The following CRB1 variants were observed in gnomAD, a reference collection of about 807,000 sequenced individuals.
The protein encoded by CRB1 is protein crumbs homolog 1.
In CRB1, 83 loss-of-function variants were observed where a neutral mutation model predicts 120.0. The observed-to-expected ratio is 0.69, with a 90% CI of 0.58 to 0.83. The LOEUF is 0.83. Ranked by LOEUF, CRB1 falls within the 40% of genes least tolerant of loss-of-function variation. CRB1 has a pLI of 0.00. For synonymous variants in CRB1, 625 were observed against 612.5 expected, an observed-to-expected ratio of 1.02 and a Z score of -0.30; for missense variants, 1,699 against 1,687.6, an observed-to-expected ratio of 1.01 and a Z score of -0.12.
chr1:197,478,073 AGCC>A lies in CRB1; in HGVS notation c.*195_*197del. ...CACCATTGTTTTATTATATTATATC[AGCC>A]AATTGCAAAAAAAGTCTGTGCCAGT... On this transcript the variant is annotated 3_prime_UTR_variant, in exon 12 of 12. Transcript: ENST00000367400. 15 of 620,020 alleles carry A rather than the reference AGCC, an allele frequency of 2.4e-5. No homozygotes were observed. Among genetic ancestry groups the A allele is most frequent in the Admixed American group, 1.1e-4 (4 of 36,062 alleles). 38.4% of individuals were successfully genotyped at this position (620,020 alleles called of 1,614,324 possible).
intron 4 of CRB1, among the ~76,000 whole-genome samples, chr1:197,353,822 A>T (rs1306316147): frequency 6.6e-6 from 1 of 150,864 alleles, no homozygotes; most frequent in Non-Finnish European, 1.5e-5. Context: ...AATAAAAAAA[A>T]AAAAAAAAAA....
At chr1:197,467,690 T>C (rs1666808904) in intron 11 of CRB1, among the ~76,000 whole-genome samples, 1 of 152,202 alleles carries the variant, frequency 6.6e-6, no homozygotes. Context: ...TCCCTTGTCT[T>C]CTAAAATTAT....
chr1:197,472,087 G>A (rs929583726), intron 11 of CRB1, among the ~76,000 whole-genome samples: 2 of 152,104 alleles, frequency 1.3e-5, no homozygotes, highest in African/African-American at 4.8e-5. Flanking sequence ...GCACATAATG[G>A]TCTTACTTGG....
chr1:197,223,882 G>A, the CRB1 span, among the ~76,000 whole-genome samples: 1 of 152,078 alleles, frequency 6.6e-6, no homozygotes, highest in Non-Finnish European at 1.5e-5. Context: ...ATTTATGTAA[G>A]AAGAAACTAG....
At chr1:197,214,513 C>T in the CRB1 span, among the ~76,000 whole-genome samples, 1,193 of 152,090 alleles carry the variant, frequency 7.8e-3, 14 homozygotes, top group African/African-American at 0.024. Context: ...GGAACCAAAC[C>T]CCTGTGGATC....
At chr1:197,384,672 C>T (rs1662124792) in intron 5 of CRB1, among the ~76,000 whole-genome samples, 6 of 151,974 alleles carry the variant, frequency 3.9e-5, no homozygotes, top group African/African-American at 1.2e-4. Context: ...AAATGAGAAC[C>T]GAAATACATT....
chr1:197,423,556 T>C (rs1045790097), intron 6 of CRB1, among the ~76,000 whole-genome samples: 1 of 152,332 alleles, frequency 6.6e-6, no homozygotes, highest in Non-Finnish European at 1.5e-5. Flanking sequence ...ATTCTGTATT[T>C]TCTGTTATCT....
chr1:197,345,793 C>A (rs1659736901), intron 3 of CRB1, among the ~76,000 whole-genome samples: 1 of 152,066 alleles, frequency 6.6e-6, no homozygotes, highest in Admixed American at 6.6e-5. Context: ...CAGGTGTGAG[C>A]CACTGCACCT....
intron 11 of CRB1, among the ~76,000 whole-genome samples, chr1:197,450,702 A>T (rs948965071): frequency 1.4e-5 from 2 of 146,976 alleles, no homozygotes; most frequent in Non-Finnish European, 3.0e-5. Context: ...GCACTTTGGG[A>T]GGCCGAGGTG....
the CRB1 span, among the ~76,000 whole-genome samples, chr1:197,233,035 A>T: frequency 6.6e-6 from 1 of 152,010 alleles, no homozygotes; most frequent in Admixed American, 6.6e-5. Context: ...GATAGTTGAC[A>T]CAACTCCCAC....
At chr1:197,453,580 A>AGT (rs1666093868) in intron 11 of CRB1, among the ~76,000 whole-genome samples, 1 of 141,922 alleles carries the variant, frequency 7.0e-6, no homozygotes, top group Non-Finnish European at 1.5e-5. Flanking sequence ...GGAGAGGGAG[A>AGT]GAGAGAGAGA....
chr1:197,219,681 A>G, the CRB1 span, among the ~76,000 whole-genome samples: 1 of 152,354 alleles, frequency 6.6e-6, no homozygotes, highest in East Asian at 1.9e-4. Context: ...TTGCTGAAGC[A>G]TTTGAATGGC....
chr1:197,358,474 G>A (rs114362616), intron 5 of CRB1, among the ~76,000 whole-genome samples: 2,935 of 152,198 alleles, frequency 0.019, 117 homozygotes, highest in African/African-American at 0.068. Context: ...AAAAGTGTTG[G>A]GCTTGATTTC....
At chr1:197,254,179 C>T in the CRB1 span, among the ~76,000 whole-genome samples, 2 of 152,012 alleles carry the variant, frequency 1.3e-5, no homozygotes, top group African/African-American at 4.8e-5. Context: ...AGAAAGCTTC[C>T]TGGAGATTCT....
At chr1:197,338,607 C>T (rs1179561459) in intron 2 of CRB1, among the ~76,000 whole-genome samples, 2 of 151,754 alleles carry the variant, frequency 1.3e-5, no homozygotes, top group East Asian at 3.9e-4. Flanking sequence ...AAAATGGTAC[C>T]AAAGAGGACA....
Position 197,404,402 on chromosome 1 carries a change from A to T in CRB1, c.1172-16598A>T, listed in dbSNP as rs952310731. ...GCTTGCAGTGAGCCGAGATCCCGCC[A>T]CTGCACTCCAGCCTGGGCGACAGAG... On this transcript the variant is annotated intron_variant, in intron 5 of 11. Transcript: ENST00000367400. Among the ~76,000 whole-genome samples the T allele has an allele frequency of 5.8e-5, 8 of 138,606 alleles. No individual in the cohort carries two copies. The East Asian group carries it at 1.5e-3, about 27-fold the overall frequency. The allele number at this position is 138,606 out of a possible 152,430, so 90.9% of individuals were successfully genotyped here.
chr1:197,306,707 T>G (rs1280715795), intron 1 of CRB1, among the ~76,000 whole-genome samples: 1 of 152,134 alleles, frequency 6.6e-6, no homozygotes, highest in Non-Finnish European at 1.5e-5. Context: ...GAAAATTCAC[T>G]TGCACCAAAA....
At chr1:197,419,361 T>A (rs1664166754) in intron 5 of CRB1, among the ~76,000 whole-genome samples, 1 of 75,674 alleles carries the variant, frequency 1.3e-5, no homozygotes, top group South Asian at 8.9e-4. Context: ...TCAGATTGGA[T>A]TCTTTTTTTT....
In CRB1 at chr1:197,438,550, G is replaced by C; in HGVS notation, c.3753G>C (p.Gln1251His). The C allele has an allele frequency of 6.2e-7, 1 of 1,612,144 alleles. No individual in the cohort carries two copies. Reference protein sequence around the residue: ...FGNFTGKFCRQSRLPSTVCGN... With the variant: ...FGNFTGKFCRHSRLPSTVCGN... ...GCTCTTGCTTTTATCTCTCTAGACA[G>C]AGCAGATTACCCTCAACAGTCTGTG... Residue 1251 changes from glutamine (Q) to histidine (H), a missense_variant, in exon 10 of 12, where the codon CAG (glutamine) becomes CAC (histidine). Coordinates refer to ENST00000367400, the MANE Select transcript of CRB1 (RefSeq NM_201253.3).
Sources: allele counts gnomAD v4.1 joint callset (sites outside exome capture counted in the v4.1 genomes callset), GRCh38; gene constraint gnomAD v4.1.1; transcripts MANE v1.5; gene names NCBI Gene and HGNC (gene_info 2026-07-23, HGNC 2026-07-21).